ZNF550: variants seen among roughly 807,000 people sequenced by gnomAD.
ZNF550 encodes the protein zinc finger protein 550.
In ZNF550, 42 loss-of-function variants were observed where a neutral mutation model predicts 40.2. The ratio of observed to expected loss-of-function variants is 1.05; its 90% CI spans 0.82 to 1.35. The LOEUF is 1.35. Ranked by LOEUF, ZNF550 falls within the 40% of genes most tolerant of loss-of-function variation. The probability of loss-of-function intolerance (pLI) is 0.00; values close to 1 mark genes in which losing one functional copy is unlikely to be tolerated. For missense variants in ZNF550, 549 were observed against 525.2 expected, an observed-to-expected ratio of 1.05 and a Z score of -0.44; for synonymous variants, 223 against 198.6, an observed-to-expected ratio of 1.12 and a Z score of -1.03.
At chr19:57,550,202 T>C (rs1247712156) in intron 3 of ZNF550, among the ~76,000 whole-genome samples, 1 of 152,114 alleles carries the variant, frequency 6.6e-6, no homozygotes, top group African/African-American at 2.4e-5. Flanking sequence ...GCAGCAGCAG[T>C]CTCATACCTG....
At chr19:57,543,644 GT>G (rs1434928945) in intron 4 of ZNF550, 1 of 985,150 alleles carries the variant, frequency 1.0e-6, no homozygotes, top group Non-Finnish European at 1.2e-6. Context: ...ACATGAAAAC[GT>G]TTTACCTCTG....
chr19:57,543,575 G>C (rs1161743236), intron 4 of ZNF550: 1 of 978,624 alleles, frequency 1.0e-6, no homozygotes, highest in Non-Finnish European at 1.2e-6. Context: ...AGCAGCATAA[G>C]AGCATAGTGC....
At chr19:57,560,906 C>G (rs2090161679), upstream of ZNF550, among the ~76,000 whole-genome samples, 1 of 152,142 alleles carries the variant, frequency 6.6e-6, no homozygotes, top group Admixed American at 6.5e-5. Context: ...TGATGTTTTC[C>G]CCCTTCTCCT....
exon 5 of ZNF550, chr19:57,542,024 T>C (rs1438779626): frequency 6.6e-6 from 1 of 151,274 alleles, no homozygotes; most frequent in East Asian, 1.9e-4. Context: ...ATAAACAAAA[T>C]ACACAATAAA....
chr19:57,542,965 T>C (rs1032918318), exon 5 of ZNF550: 1 of 152,396 alleles, frequency 6.6e-6, no homozygotes, highest in African/African-American at 2.4e-5. Flanking sequence ...CATTGCCCTA[T>C]GAATTTCTGC....
chr19:57,552,393 A>G, intron 3 of ZNF550: 1 of 497,710 alleles, frequency 2.0e-6, no homozygotes, highest in Non-Finnish European at 3.6e-6. Context: ...AGCTGGATTG[A>G]GCCAGAGCAA....
At chr19:57,559,827 C>G in exon 1 of ZNF550, 3 of 654,148 alleles carry the variant, frequency 4.6e-6, no homozygotes, top group Non-Finnish European at 6.6e-6. Context: ...CAACACGCCC[C>G]ACCACAAACG....
rs200068213 is a variant in ZNF550 at position 57,556,313 on chromosome 19, C to T, written c.72G>A (p.Glu24=). The T allele has an allele frequency of 9.8e-5, 158 of 1,614,126 alleles. 1 individual carries two copies. The Admixed American group carries it at 2.4e-3, about 25-fold the overall frequency. Residue 24 remains glutamate, a synonymous_variant, in exon 2 of 5, where the codon GAG becomes GAA. Transcript: ENST00000457177. ...GGGCCAGGTCCAGCTGTCTCCACTC[C>T]TCCCGGGTAAAGGTCACAGCCACAT...
chr19:57,545,821 C>A (rs2090003964), intron 4 of ZNF550, among the ~76,000 whole-genome samples: 1 of 152,062 alleles, frequency 6.6e-6, no homozygotes, highest in South Asian at 2.1e-4. Flanking sequence ...CAGACCAGCC[C>A]AGCCAACATG....
intron 2 of ZNF550, chr19:57,552,966 G>GGT: frequency 2.4e-6 from 1 of 423,330 alleles, no homozygotes; most frequent in Non-Finnish European, 4.2e-6. Context: ...ATCTTTAGAA[G>GGT]GTAATTAAAA....
chr19:57,556,725 T>C (rs771114410), intron 1 of ZNF550: 8 of 212,178 alleles, frequency 3.8e-5, no homozygotes, highest in Non-Finnish European at 5.7e-5. Context: ...GAAAGAAAAA[T>C]AGATCAGACC....
At chr19:57,556,862 C>T (rs2090126211) in intron 1 of ZNF550, 1 of 164,106 alleles carries the variant, frequency 6.1e-6, no homozygotes, top group Admixed American at 5.7e-5. Context: ...CTCACAGAAA[C>T]ATGTGCTGTA....
rs28547388 is a variant in ZNF550, at chr19:57,552,488, T to G, written c.250+139A>C. ...AGTGCTCACCTGATGATGGACACTA[T>G]GACCCAAAGTGAGTCAGAAACAACC... On this transcript the variant is annotated intron_variant, in intron 3 of 4. Transcript: ENST00000457177. The G allele has an allele frequency of 2.7e-4, 171 of 631,790 alleles. No homozygotes were observed. In the African/African-American group the frequency reaches 2.7e-3, roughly 10 times the overall value. 39.1% of individuals were successfully genotyped at this position (631,790 alleles called of 1,614,324 possible).
chr19:57,546,013 TTAAAAAA>T (rs2090005553), intron 4 of ZNF550, among the ~76,000 whole-genome samples: 1 of 152,022 alleles, frequency 6.6e-6, no homozygotes, highest in South Asian at 2.1e-4. Flanking sequence ...TCCCTGTCTC[TTAAAAAA>T]TAATGAGTTT....
rs115366794 is a variant in ZNF550, at chr19:57,546,439, C to T, written c.*518+18G>A. The T allele has an allele frequency of 1.8e-3, 1,773 of 975,016 alleles. 28 individuals carry two copies. In the African/African-American group the frequency reaches 0.026, roughly 14 times the overall value. 60.4% of individuals were successfully genotyped at this position (975,016 alleles called of 1,614,324 possible). A position where few individuals can be genotyped will look rare whatever the true frequency, so the allele number is the denominator to read the frequency against. The stretch of plus-strand genomic sequence containing the variant: ...GATCTTACAGGGAAGTCTGTAAGGA[C>T]ATAAAGCAAGAAGATACCTGTAACT... On this transcript the variant is annotated intron_variant, in intron 4 of 4. Transcript: ENST00000457177.
chr19:57,546,981 A>G (rs374457112), exon 4 of ZNF550: 22 of 1,610,162 alleles, frequency 1.4e-5, no homozygotes, highest in Non-Finnish European at 1.9e-5. Flanking sequence ...TCTCTCATGT[A>G]TGGACCCTTT....
At chr19:57,552,517 C>A in intron 3 of ZNF550, 110 bp downstream of exon 3, 1 of 810,824 alleles carries the variant, frequency 1.2e-6, no homozygotes, top group Non-Finnish European at 1.9e-6. Flanking sequence ...AACAACCAGG[C>A]CCCCGGAAAG....
intron 1 of ZNF550, among the ~76,000 whole-genome samples, chr19:57,559,054 CCT>C (rs2090146552): frequency 6.6e-6 from 1 of 152,210 alleles, no homozygotes; most frequent in Non-Finnish European, 1.5e-5. Context: ...GCTCCTCCCA[CCT>C]CTTTCAGCCG....
At chr19:57,558,699 G>T (rs1426968518) in intron 1 of ZNF550, among the ~76,000 whole-genome samples, 2 of 152,082 alleles carry the variant, frequency 1.3e-5, no homozygotes, top group Non-Finnish European at 1.5e-5. Context: ...TTTAAGCAGC[G>T]GACACCAGAG....
Sources: gnomAD v4.1 joint callset for allele counts (sites outside exome capture counted in the v4.1 genomes callset) on GRCh38, gnomAD v4.1.1 for gene constraint, MANE v1.5 for transcripts, NCBI Gene and HGNC (gene_info 2026-07-23, HGNC 2026-07-21) for gene names.